VRK2: variants seen among roughly 807,000 people sequenced by gnomAD.
The protein encoded by VRK2 is VRK serine/threonine kinase 2.
In VRK2, 60 loss-of-function variants were observed where a neutral mutation model predicts 57.6. That is an observed-to-expected ratio of 1.04 (90% confidence interval 0.85 to 1.29). The LOEUF is 1.29. Ranked by LOEUF, VRK2 falls within the 50% of genes most tolerant of loss-of-function variation. The pLI is 0.00. For missense variants in VRK2, 705 were observed against 588.1 expected (o/e 1.20, Z -2.06); for synonymous variants, 231 against 199.2 (o/e 1.16, Z -1.35).
intron 9 of VRK2, 150 bp downstream of exon 9, chr2:58,132,078 A>G: frequency 5.4e-6 from 5 of 918,128 alleles, no homozygotes; most frequent in Non-Finnish European, 1.6e-6. Context: ...TAAAAAAACC[A>G]AACAACTAAC....
Position 58,084,923 on chromosome 2 carries a change from T to C in VRK2, c.229T>C (p.Tyr77His). Residue 77 changes from tyrosine to histidine, a missense_variant, in exon 4 of 13, where the codon TAT becomes CAT. Physicochemically the swap from Tyr to His is moderately conservative, Grantham distance 83. Transcript: ENST00000340157. The part of the protein sequence containing the change: ...NGPLFSELKF[Y>H]QRVAKKDCIK... ...CCCGTTATTTTCAGAACTTAAATTT[T>C]ATCAGAGAGTTGCAAAAAAAGACTG... The C allele has an allele frequency of 6.3e-7, 1 of 1,591,696 alleles. No homozygotes were observed. The highest frequency in any genetic ancestry group is 1.2e-5 in the South Asian group (1 of 86,488).
At chr2:57,949,347 A>G (rs779282202) in intron 1 of VRK2, among the ~76,000 whole-genome samples, 3 of 152,060 alleles carry the variant, frequency 2.0e-5, no homozygotes, top group Non-Finnish European at 4.4e-5. Flanking sequence ...TATCAGGGCC[A>G]TTTTTCCAAC....
At chr2:58,123,517 T>G (rs1448616938) in intron 8 of VRK2, among the ~76,000 whole-genome samples, 2 of 152,110 alleles carry the variant, frequency 1.3e-5, no homozygotes, top group Non-Finnish European at 2.9e-5. Flanking sequence ...AGGTAAAACT[T>G]GGAGGTCAGC....
chr2:58,133,219 C>G (rs1382151355), intron 9 of VRK2, among the ~76,000 whole-genome samples: 1 of 145,794 alleles, frequency 6.9e-6, no homozygotes, highest in African/African-American at 2.8e-5. Context: ...AATATACCTG[C>G]TTATGCATAT....
At chr2:58,067,175 C>T (rs1365031115) in intron 2 of VRK2, among the ~76,000 whole-genome samples, 1 of 152,144 alleles carries the variant, frequency 6.6e-6, no homozygotes, top group East Asian at 1.9e-4. Flanking sequence ...AGTGGTTTTT[C>T]AGGGGCTCTC....
chr2:58,000,746 T>C (rs898116725), intron 1 of VRK2, among the ~76,000 whole-genome samples: 1 of 152,230 alleles, frequency 6.6e-6, no homozygotes, highest in African/African-American at 2.4e-5. Flanking sequence ...AGTTTCATAT[T>C]AGATTCATTT....
intron 12 of VRK2, among the ~76,000 whole-genome samples, chr2:58,151,113 C>T (rs905968862): frequency 6.6e-6 from 1 of 151,622 alleles, no homozygotes; most frequent in African/African-American, 2.4e-5. Flanking sequence ...GTGTTCAAAT[C>T]TTATATATTC....
chr2:58,157,051 T>C (rs1469823137), intron 12 of VRK2, among the ~76,000 whole-genome samples: 1 of 152,208 alleles, frequency 6.6e-6, no homozygotes, highest in Non-Finnish European at 1.5e-5. Context: ...TGTTCAGGCT[T>C]TTTTGGCCTA....
intron 12 of VRK2, among the ~76,000 whole-genome samples, chr2:58,157,956 C>T (rs1684222464): frequency 6.6e-6 from 1 of 152,156 alleles, no homozygotes; most frequent in African/African-American, 2.4e-5. Context: ...ATAGACTATC[C>T]TAATCAGACC....
At chr2:57,994,445 C>T (rs1463527741) in intron 1 of VRK2, among the ~76,000 whole-genome samples, 1 of 152,144 alleles carries the variant, frequency 6.6e-6, no homozygotes, top group Non-Finnish European at 1.5e-5. Context: ...AAAACATCTA[C>T]TGTCTACACA....
chr2:58,150,561 A>AT (rs1682855095), intron 12 of VRK2, among the ~76,000 whole-genome samples: 1 of 77,844 alleles, frequency 1.3e-5, no homozygotes, highest in Non-Finnish European at 2.6e-5. Flanking sequence ...TTTTTTTTTT[A>AT]GTTTTTTTTT....
At chr2:58,146,517 C>T (rs1335825245) in intron 12 of VRK2, 43 bp downstream of exon 12, 1 of 1,576,648 alleles carries the variant, frequency 6.3e-7, no homozygotes, top group Non-Finnish European at 8.6e-7. Context: ...CTTAATGTTA[C>T]ATTAGAATAT....
chr2:58,022,700 A>T (rs961502756), intron 1 of VRK2, among the ~76,000 whole-genome samples: 4 of 152,106 alleles, frequency 2.6e-5, no homozygotes, highest in African/African-American at 7.2e-5. Flanking sequence ...ACATGGCTAA[A>T]CTTCATCTCT....
intron 1 of VRK2, among the ~76,000 whole-genome samples, chr2:57,981,458 C>T (rs758858646): frequency 1.3e-5 from 2 of 152,066 alleles, no homozygotes; most frequent in Non-Finnish European, 2.9e-5. Flanking sequence ...TCTTTAGCTG[C>T]CTTTAAGATT....
intron 1 of VRK2, among the ~76,000 whole-genome samples, chr2:57,996,167 A>T (rs1268260812): frequency 6.6e-6 from 1 of 152,202 alleles, no homozygotes; most frequent in African/African-American, 2.4e-5. Flanking sequence ...ACAGATTTTC[A>T]TATCCTTGGG....
At chr2:58,036,008 G>C (rs1674262978) in intron 3 of VRK2, among the ~76,000 whole-genome samples, 1 of 151,988 alleles carries the variant, frequency 6.6e-6, no homozygotes, top group East Asian at 1.9e-4. Context: ...CTTAAGAGTG[G>C]CTTATAAGCA....
chr2:58,080,938 G>C (rs974706228), intron 2 of VRK2, among the ~76,000 whole-genome samples: 1 of 151,832 alleles, frequency 6.6e-6, no homozygotes, highest in Non-Finnish European at 1.5e-5. Flanking sequence ...ACTTCCTCTT[G>C]TGTAATTTCT....
chr2:57,936,711 C>T (rs904598565), intron 1 of VRK2, among the ~76,000 whole-genome samples: 8 of 151,512 alleles, frequency 5.3e-5, no homozygotes, highest in African/African-American at 1.9e-4. Flanking sequence ...TTTTATTGTA[C>T]CTCTTCCTTA....
At chr2:58,089,470 A>C (rs1573032603) in intron 6 of VRK2, among the ~76,000 whole-genome samples, 161 bp from the exon 7 acceptor site, 1 of 152,248 alleles carries the variant, frequency 6.6e-6, no homozygotes, top group Non-Finnish European at 1.5e-5. Flanking sequence ...ATGAGCAACC[A>C]GAAGATGTGA....
Sources: gnomAD v4.1 joint callset for allele counts (sites outside exome capture counted in the v4.1 genomes callset) on GRCh38, gnomAD v4.1.1 for gene constraint, MANE v1.5 for transcripts, NCBI Gene and HGNC (gene_info 2026-07-23, HGNC 2026-07-21) for gene names.